Variants in RAPGEF2 observed in about 807,000 individuals in gnomAD.
The protein encoded by RAPGEF2 is PDZ domain containing guanine nucleotide exchange factor (GEF) 1.
Under a neutral mutation model 186.7 loss-of-function variants are expected in RAPGEF2, and 54 were observed. The observed-to-expected ratio is 0.29, with a 90% CI of 0.23 to 0.36. The LOEUF (loss-of-function observed/expected upper bound fraction) is 0.36, where lower values mean the gene tolerates loss of function less well. Ranked by LOEUF, RAPGEF2 falls within the 10% of genes least tolerant of loss-of-function variation. The pLI is 1.00. For synonymous variants in RAPGEF2, 712 were observed against 705.9 expected (o/e 1.01, Z -0.14); for missense variants, 1,532 against 2,045.0 (o/e 0.75, Z 4.84).
At chr4:159,111,109 G>T (rs1034809771) in intron 1 of RAPGEF2, among the ~76,000 whole-genome samples, 7 of 152,024 alleles carry the variant, frequency 4.6e-5, no homozygotes, top group Non-Finnish European at 1.0e-4. Flanking sequence ...GTATTCAGCT[G>T]TTTCCTTTTT....
At chr4:159,213,195 TAGGA>T (rs1411408041) in intron 4 of RAPGEF2, among the ~76,000 whole-genome samples, 1 of 152,188 alleles carries the variant, frequency 6.6e-6, no homozygotes, top group East Asian at 1.9e-4. Context: ...GATGTTGCCT[TAGGA>T]ATAGGACTGA....
chr4:159,253,972 AAAAG>A (rs1381238758), intron 7 of RAPGEF2, among the ~76,000 whole-genome samples: 3 of 152,218 alleles, frequency 2.0e-5, no homozygotes, highest in African/African-American at 4.8e-5. Context: ...TTCTGTGAAA[AAAAG>A]GTGCCAGTTC....
chr4:159,241,415 T>G, intron 6 of RAPGEF2, 47 bp downstream of exon 6: 1 of 1,213,590 alleles, frequency 8.2e-7, no homozygotes, highest in Non-Finnish European at 1.0e-6. Flanking sequence ...AGTTTTTTGT[T>G]GGGGTTTTGT....
chr4:159,267,120 A>G (rs1757525892), intron 7 of RAPGEF2: 2 of 1,239,822 alleles, frequency 1.6e-6, no homozygotes, highest in South Asian at 2.7e-5. Context: ...CACTTACATC[A>G]CTAGAACTGC....
In RAPGEF2 at chr4:159,175,980, C is replaced by G. The variant is rs183373883; in HGVS notation, c.70-10662C>G. Among the ~76,000 whole-genome samples the G allele has an allele frequency of 5.3e-5, 8 of 152,206 alleles. No homozygotes were observed. In the East Asian group the frequency reaches 1.4e-3, roughly 26 times the overall value. On this transcript the variant is annotated intron_variant, in intron 1 of 29. Coordinates refer to ENST00000691494, the MANE Select transcript of RAPGEF2 (RefSeq NM_001394067.2). ...TCTTTGTTCAAGGTGCTTCTCTGAT[C>G]GAGGACATAAAATACAAACCTATTA...
intron 17 of RAPGEF2, among the ~76,000 whole-genome samples, chr4:159,334,209 TA>T (rs1430231761): frequency 2.6e-5 from 4 of 152,198 alleles, no homozygotes; most frequent in African/African-American, 9.7e-5. Flanking sequence ...ACCTTATTTT[TA>T]AATGGATGAA....
chr4:159,179,082 A>G (rs1054141251), intron 1 of RAPGEF2, among the ~76,000 whole-genome samples: 1 of 152,204 alleles, frequency 6.6e-6, no homozygotes, highest in African/African-American at 2.4e-5. Context: ...ATTTTGAAAA[A>G]AGGATGTCCT....
At chr4:159,210,030 T>A (rs1400991252) in intron 3 of RAPGEF2, among the ~76,000 whole-genome samples, 1 of 152,090 alleles carries the variant, frequency 6.6e-6, no homozygotes, top group Admixed American at 6.5e-5. Context: ...AGAAGAAAGA[T>A]GATGGGAGGG....
intron 1 of RAPGEF2, among the ~76,000 whole-genome samples, chr4:159,143,701 T>TA (rs1399793735): frequency 6.6e-6 from 1 of 152,182 alleles, no homozygotes; most frequent in Non-Finnish European, 1.5e-5. Context: ...AGTTGATACT[T>TA]ACTGGGGAGC....
At chr4:159,357,368 AAGAG>A (rs1164037629) in intron 29 of RAPGEF2, among the ~76,000 whole-genome samples, 5 of 152,130 alleles carry the variant, frequency 3.3e-5, no homozygotes, top group Non-Finnish European at 5.9e-5. Context: ...CTCTAAAAGA[AAGAG>A]AGAGAGAAGG....
chr4:159,210,455 T>C, intron 3 of RAPGEF2, 45 bp from the exon 4 acceptor site: 1 of 1,327,332 alleles, frequency 7.5e-7, no homozygotes, highest in Non-Finnish European at 1.0e-6. Flanking sequence ...TTTTTGTTGT[T>C]GTTGTTATAG....
chr4:159,292,165 C>A (rs1011598289), intron 7 of RAPGEF2, among the ~76,000 whole-genome samples: 4 of 152,198 alleles, frequency 2.6e-5, no homozygotes, highest in Non-Finnish European at 4.4e-5. Flanking sequence ...CCATCTCATT[C>A]AGGGTAAAAT....
At chr4:159,249,529 A>C (rs1050005906) in intron 7 of RAPGEF2, among the ~76,000 whole-genome samples, 2 of 151,974 alleles carry the variant, frequency 1.3e-5, no homozygotes, top group African/African-American at 4.8e-5. Context: ...ATTTTATGGA[A>C]TATATAGATG....
At chr4:159,154,230 T>C (rs939842206) in intron 1 of RAPGEF2, among the ~76,000 whole-genome samples, 3 of 152,228 alleles carry the variant, frequency 2.0e-5, no homozygotes, top group African/African-American at 7.2e-5. Context: ...ACTAGAAGGT[T>C]GTTCAACTAG....
chr4:159,280,892 C>T (rs1366827701), intron 7 of RAPGEF2, among the ~76,000 whole-genome samples: 1 of 151,806 alleles, frequency 6.6e-6, no homozygotes, highest in Non-Finnish European at 1.5e-5. Context: ...TGTAGTAAAA[C>T]AATAAAGTAC....
rs550283933 is a variant in RAPGEF2, at chr4:159,359,850, A to G, written c.*1711A>G. ...AAGACAGAAATCTAGCTCTACCACAAGTTGCACAAATGTTATCTAAGCATT... is the reference window on the plus strand; with the variant it reads ...AAGACAGAAATCTAGCTCTACCACAGGTTGCACAAATGTTATCTAAGCATT... On this transcript the variant is annotated 3_prime_UTR_variant, in exon 30 of 30. Coordinates refer to ENST00000691494, the MANE Select transcript of RAPGEF2 (RefSeq NM_001394067.2). 13 of 152,318 alleles carry G rather than the reference A, an allele frequency of 8.5e-5. No homozygotes were observed. In the South Asian group the frequency reaches 2.7e-3, roughly 32 times the overall value. The allele number at this position is 152,318 out of a possible 1,614,324, so 9.4% of individuals were successfully genotyped here. A position where few individuals can be genotyped will look rare whatever the true frequency, so the allele number is the denominator to read the frequency against.
chr4:159,196,417 G>GCTTT (rs1201747328), intron 3 of RAPGEF2, among the ~76,000 whole-genome samples: 2 of 152,110 alleles, frequency 1.3e-5, no homozygotes, highest in Non-Finnish European at 2.9e-5. Flanking sequence ...AATATCAAAG[G>GCTTT]CTTTCACACT....
At chr4:159,115,520 A>T (rs949165254) in intron 1 of RAPGEF2, among the ~76,000 whole-genome samples, 4 of 150,014 alleles carry the variant, frequency 2.7e-5, no homozygotes, top group Non-Finnish European at 4.4e-5. Context: ...TCATATAGAA[A>T]CTATTTGAAT....
At chr4:159,173,868 A>C (rs1478492100) in intron 1 of RAPGEF2, among the ~76,000 whole-genome samples, 1 of 152,220 alleles carries the variant, frequency 6.6e-6, no homozygotes, top group African/African-American at 2.4e-5. Flanking sequence ...ATGTAAATTA[A>C]AATTTGACTA....
Sources: gnomAD v4.1 joint callset for allele counts (sites outside exome capture counted in the v4.1 genomes callset) on GRCh38, gnomAD v4.1.1 for gene constraint, MANE v1.5 for transcripts, NCBI Gene and HGNC (gene_info 2026-07-23, HGNC 2026-07-21) for gene names.